Variants in NOP14 observed in about 807,000 individuals in gnomAD.
The protein encoded by NOP14 is NOP14 nucleolar protein, also known as nucleolar protein 14.
Under a neutral mutation model 101.6 loss-of-function variants are expected in NOP14, and 57 were observed. The ratio of observed to expected loss-of-function variants is 0.56; its 90% CI spans 0.45 to 0.70. NOP14 has a LOEUF of 0.70. Among genes scored for constraint, NOP14 ranks in the 30% least tolerant of loss-of-function variants. The pLI, the probability that NOP14 is intolerant of heterozygous loss-of-function variation, is 0.00. For synonymous variants in NOP14, 428 were observed against 424.0 expected, an observed-to-expected ratio of 1.01 and a Z score of -0.12; for missense variants, 1,134 against 1,075.5, an observed-to-expected ratio of 1.05 and a Z score of -0.76.
chr4:2,940,099 T>G (rs533883625), intron 15 of NOP14, among the ~76,000 whole-genome samples: 1 of 152,340 alleles, frequency 6.6e-6, no homozygotes, highest in South Asian at 2.1e-4. Flanking sequence ...GAGCCCAGTG[T>G]GCAAACTGAC....
In NOP14 at chr4:2,960,758, CATTAAT is replaced by C. The variant is rs1327502615; in HGVS notation, c.195+2361_195+2366del. On this transcript the variant is annotated intron_variant, in intron 1 of 17. Coordinates refer to ENST00000416614, the MANE Select transcript of NOP14 (RefSeq NM_001291978.2). ...TATTAATATATTAATATTATAATCA[CATTAAT>C]ATTAATATATTAATATTATAATCAC... is the stretch of plus-strand genomic sequence containing the variant. 1.6e-3 allele frequency among the ~76,000 whole-genome samples: 140 copies of C among 87,460 alleles called. 8 individuals carry two copies. The highest frequency in any genetic ancestry group is 5.5e-3 in the African/African-American group (132 of 24,166). The allele number at this position is 87,460 out of a possible 152,430, so 57.4% of individuals were successfully genotyped here.
chr4:2,959,040 G>A (rs1715530249), intron 1 of NOP14, among the ~76,000 whole-genome samples: 1 of 152,076 alleles, frequency 6.6e-6, no homozygotes, highest in Admixed American at 6.6e-5. Context: ...AGAAAAGGAT[G>A]TGAAAAAACC....
At chr4:2,962,563 C>T (rs1445864119) in intron 1 of NOP14, among the ~76,000 whole-genome samples, 1 of 152,094 alleles carries the variant, frequency 6.6e-6, no homozygotes. Context: ...AATGCATGCC[C>T]AGCCCTTACC....
intron 1 of NOP14, among the ~76,000 whole-genome samples, chr4:2,960,694 C>CATTAATATCAATATATTAATATTATAATT (rs1560310412): frequency 1.5e-4 from 17 of 113,966 alleles, no homozygotes; most frequent in Admixed American, 3.6e-4. Context: ...ATATTATAAT[C>CATTAATATCAATATATTAATATTATAATT]ACATTAATAT....
At chr4:2,956,482 T>C (rs1715350363) in intron 3 of NOP14, among the ~76,000 whole-genome samples, 188 bp downstream of exon 3, 1 of 152,066 alleles carries the variant, frequency 6.6e-6, no homozygotes, top group Admixed American at 6.6e-5. Context: ...CTTAAAGTTC[T>C]GAAAACTTAA....
In NOP14 at chr4:2,938,752, C is replaced by T; in HGVS notation, c.*79G>A. ...CGAACTCCTGGGCTGAAGCAATCTT[C>T]CTGCCTTGGCCTCCCAGAGGGTTGG... On this transcript the variant is annotated 3_prime_UTR_variant, in exon 18 of 18. Coordinates refer to ENST00000416614, the MANE Select transcript of NOP14 (RefSeq NM_001291978.2). 8.4e-7 allele frequency: 1 copy of T among 1,188,226 alleles called. No individual in the cohort carries two copies. Among genetic ancestry groups the T allele is most frequent in the African/African-American group, 1.5e-5 (1 of 65,482 alleles). The allele number at this position is 1,188,226 out of a possible 1,614,324, so 73.6% of individuals were successfully genotyped here.
chr4:2,941,282 G>C (rs917922432), intron 15 of NOP14: 93 of 389,330 alleles, frequency 2.4e-4, no homozygotes, highest in African/African-American at 1.7e-3. Flanking sequence ...TGACTGTCCA[G>C]GCCTGGCAGG....
chr4:2,941,789 A>G (rs1014893124), intron 14 of NOP14, 60 bp from the exon 15 acceptor site: 9 of 1,550,944 alleles, frequency 5.8e-6, no homozygotes, highest in Middle Eastern at 3.5e-4. Flanking sequence ...GACAAAACCA[A>G]TAACGTGGCA....
At position 2,944,211 on chromosome 4, in the gene NOP14, G is replaced by A; in HGVS notation, c.1753C>T (p.Leu585Phe). Residue 585 changes from leucine (L) to phenylalanine (F), a missense_variant, in exon 13 of 18, where the codon CTC (leucine) becomes TTC (phenylalanine). Transcript: ENST00000416614. ...QLLTKCPILS[L>F]QDVVKGLFVC... ...AACAGGCCCTTCACCACGTCCTGGA[G>A]GGACAGGATGGGGCACTGGAAAGGA... The A allele has an allele frequency of 6.2e-7, 1 of 1,613,462 alleles. No individual in the cohort carries two copies.
Position 2,938,315 on chromosome 4 carries a change from A to G in NOP14, c.*516T>C, listed in dbSNP as rs750049810. 3.3e-5 allele frequency: 28 copies of G among 858,696 alleles called. No individual in the cohort carries two copies. Among genetic ancestry groups the G allele is most frequent in the African/African-American group, 1.4e-4 (8 of 57,216 alleles). The allele number at this position is 858,696 out of a possible 1,614,324, so 53.2% of individuals were successfully genotyped here. A position where few individuals can be genotyped will look rare whatever the true frequency, so the allele number is the denominator to read the frequency against. On this transcript the variant is annotated 3_prime_UTR_variant, in exon 18 of 18. Coordinates refer to ENST00000416614, the MANE Select transcript of NOP14 (RefSeq NM_001291978.2). ...GCAGGTGGATTACCTGAGGTCGGGA[A>G]TTCGAGACCAGCCTGACCAACATGG...
intron 3 of NOP14, among the ~76,000 whole-genome samples, chr4:2,955,784 G>A (rs188383732): frequency 8.4e-4 from 128 of 152,342 alleles, no homozygotes; most frequent in Admixed American, 2.4e-3. Context: ...TTCTCTTCAC[G>A]CCCGTGAAGC....
At chr4:2,963,071 A>G (rs1716236883) in intron 1 of NOP14, 54 bp downstream of exon 1, 1 of 1,441,786 alleles carries the variant, frequency 6.9e-7, no homozygotes, top group East Asian at 2.7e-5. Context: ...GCCGGCCGAG[A>G]GCAGCGTGGG....
intron 11 of NOP14, 107 bp downstream of exon 11, chr4:2,946,305 C>A: frequency 2.2e-6 from 3 of 1,364,292 alleles, no homozygotes; most frequent in Non-Finnish European, 3.1e-6. Context: ...CCACATCACC[C>A]TGGAAGCACA....
In NOP14 at chr4:2,956,803, A is replaced by C; in HGVS notation, c.339T>G (p.His113Gln). ...KRFALEQQRH[H>Q]EKKSIYNLNE... The stretch of plus-strand genomic sequence containing the variant: ...TTAGATTGTAGATGCTTTTTTTCTC[A>C]TGATGTCGCTGACAGAAGAGAAAAA... The change falls in exon 3 of 18, where the codon CAT (histidine) becomes CAG (glutamine). Residue 113 changes from histidine to glutamine, a missense_variant. Coordinates refer to ENST00000416614, the MANE Select transcript of NOP14 (RefSeq NM_001291978.2). The C allele has an allele frequency of 6.3e-7, 1 of 1,598,034 alleles. No individual in the cohort carries two copies.
Position 2,939,762 on chromosome 4 carries a change from G to T in NOP14, c.2200-117C>A, listed in dbSNP as rs1012226984. 6 of 798,812 alleles carry T rather than the reference G, an allele frequency of 7.5e-6. No homozygotes were observed. The East Asian group carries it at 1.2e-4, about 16-fold the overall frequency. The allele number at this position is 798,812 out of a possible 1,614,324, so 49.5% of individuals were successfully genotyped here. A position where few individuals can be genotyped will look rare whatever the true frequency, so the allele number is the denominator to read the frequency against. On this transcript the variant is annotated intron_variant, in intron 15 of 17. Transcript: ENST00000416614. ...AGGACAGTGCTGCGAGCTCCCTGCAGCAGGATGGTGCCCTTGCTGTGCGCC... is the reference window on the plus strand; with the variant it reads ...AGGACAGTGCTGCGAGCTCCCTGCATCAGGATGGTGCCCTTGCTGTGCGCC...
rs781293091 is a variant in NOP14 at position 2,941,758 on chromosome 4, C to G, written c.2052-29G>C. 3 of 1,602,786 alleles carry G rather than the reference C, an allele frequency of 1.9e-6. No individual in the cohort carries two copies. In the East Asian group the frequency reaches 6.7e-5, roughly 36 times the overall value. On this transcript the variant is annotated intron_variant, in intron 14 of 17. Coordinates refer to ENST00000416614, the MANE Select transcript of NOP14 (RefSeq NM_001291978.2). ...TGAGGGCAGGAGGCAAGAGGAGGTC[C>G]AACTTGTTCTGTTTGTCACTGACAA...
In NOP14 at chr4:2,939,229, A is replaced by C. The variant is rs1713938679; in HGVS notation, c.2433T>G (p.Asn811Lys). The change falls in exon 17 of 18, where the codon AAT becomes AAG. Residue 811 changes from asparagine to lysine, a missense_variant. Coordinates refer to ENST00000416614, the MANE Select transcript of NOP14 (RefSeq NM_001291978.2). ...AGAGTTGCATCCTCGCCAGGAACTG[A>C]TTGTCCTTGCGGATTTCTCGAACGG... is the stretch of plus-strand genomic sequence containing the variant. ...KGAVREIRKD[N>K]QFLARMQLSE... The C allele has an allele frequency of 6.2e-7, 1 of 1,613,848 alleles. No individual in the cohort carries two copies. Among genetic ancestry groups the C allele is most frequent in the Admixed American group, 1.7e-5 (1 of 60,004 alleles).
At chr4:2,957,090 C>G (rs1254351162) in intron 2 of NOP14, among the ~76,000 whole-genome samples, 1 of 152,190 alleles carries the variant, frequency 6.6e-6, no homozygotes, top group Non-Finnish European at 1.5e-5. Context: ...CAACCTCTGA[C>G]TCCCTGGTTC....
Position 2,938,271 on chromosome 4 carries a change from C to G in NOP14, c.*560G>C, listed in dbSNP as rs1288819681. ...TTTGGCTGGGTGCTGTGGCTCACAC[C>G]TATAATTGGGGGGCCAAGGCAGGTG... On this transcript the variant is annotated 3_prime_UTR_variant, in exon 18 of 18. Coordinates refer to ENST00000416614, the MANE Select transcript of NOP14 (RefSeq NM_001291978.2). 1.6e-6 allele frequency: 2 copies of G among 1,268,914 alleles called. No individual in the cohort carries two copies. The highest frequency in any genetic ancestry group is 1.5e-5 in the African/African-American group (1 of 65,492). 78.6% of individuals were successfully genotyped at this position (1,268,914 alleles called of 1,614,324 possible).
Sources: allele counts gnomAD v4.1 joint callset (sites outside exome capture counted in the v4.1 genomes callset), GRCh38; gene constraint gnomAD v4.1.1; transcripts MANE v1.5; gene names NCBI Gene and HGNC (gene_info 2026-07-23, HGNC 2026-07-21).